COL6A6: variants seen among roughly 807,000 people sequenced by gnomAD.
COL6A6 encodes the protein collagen type VI alpha 6 chain, also known as collagen alpha-6(VI) chain.
COL6A6 carries 183 observed loss-of-function variants against 208.6 expected under a neutral mutation model. The observed-to-expected ratio is 0.88, with a 90% CI of 0.78 to 0.99. The LOEUF (loss-of-function observed/expected upper bound fraction) is 0.99. Ranked by LOEUF, COL6A6 falls within the 50% of genes least tolerant of loss-of-function variation. COL6A6 has a pLI of 0.00. For missense variants in COL6A6, 2,816 were observed against 2,815.2 expected (o/e 1.00, Z -0.01); for synonymous variants, 973 against 1,011.8 (o/e 0.96, Z 0.73).
chr3:130,618,122 C>G (rs972896507), intron 23 of COL6A6, among the ~76,000 whole-genome samples: 16 of 152,056 alleles, frequency 1.1e-4, no homozygotes, highest in Non-Finnish European at 8.8e-5. Context: ...TTTAGAACTC[C>G]AATCTGGGCT....
At chr3:130,564,376 G>A (rs545101737) in intron 3 of COL6A6, among the ~76,000 whole-genome samples, 1 of 152,210 alleles carries the variant, frequency 6.6e-6, no homozygotes, top group South Asian at 2.1e-4. Context: ...CAAGTGAAGG[G>A]CAGGGGATAG....
At chr3:130,560,275 G>A (rs2062853569) in intron 1 of COL6A6, 59 bp from the exon 2 acceptor site, 2 of 1,069,636 alleles carry the variant, frequency 1.9e-6, no homozygotes, top group Middle Eastern at 2.0e-4. Context: ...GCTCTTGTAT[G>A]TGAGTCTTAA....
At position 130,566,820 on chromosome 3, in the gene COL6A6, C is replaced by T. The variant is rs371128941; in HGVS notation, c.1401C>T (p.Asn467=). 4.3e-6 allele frequency: 7 copies of T among 1,613,880 alleles called. No individual in the cohort carries two copies. The African/African-American group carries it at 9.3e-5, about 22-fold the overall frequency. The change falls in exon 5 of 37, where the codon AAC becomes AAT. Residue 467 remains asparagine, a synonymous_variant. Transcript: ENST00000358511. The stretch of plus-strand genomic sequence containing the variant: ...TGTCAGAGGTGGTAGGGATGTTCAA[C>T]ATTGCTCCCCATAAGGTGCGGGTTG... ...TFLSEVVGMF[N]IAPHKVRVGA... is the part of the protein sequence containing the mutation.
chr3:130,518,888 T>C (rs1393347001), intron 1 of COL6A6, among the ~76,000 whole-genome samples: 2 of 152,230 alleles, frequency 1.3e-5, no homozygotes, highest in Non-Finnish European at 2.9e-5. Context: ...TTGGATGTTG[T>C]GCCATGTGAA....
At chr3:130,659,893 T>A (rs2065895622) in intron 34 of COL6A6, among the ~76,000 whole-genome samples, 1 of 152,212 alleles carries the variant, frequency 6.6e-6, no homozygotes. Flanking sequence ...CTTCTTTCTG[T>A]CTTCCCTCTG....
chr3:130,624,182 A>G (rs2064818970), intron 24 of COL6A6, among the ~76,000 whole-genome samples: 2 of 152,102 alleles, frequency 1.3e-5, no homozygotes, highest in South Asian at 4.1e-4. Context: ...TTGATGTGGG[A>G]TATTGGTTTG....
rs1321168907 is a variant in COL6A6, at chr3:130,589,049, C to A, written c.4126-41C>A. The A allele has an allele frequency of 2.7e-6, 4 of 1,477,034 alleles. No homozygotes were observed. The African/African-American group carries it at 5.6e-5, about 21-fold the overall frequency. 91.5% of individuals were successfully genotyped at this position (1,477,034 alleles called of 1,614,324 possible). On this transcript the variant is annotated intron_variant, in intron 11 of 36. Transcript: ENST00000358511. ...GAACTTGTATATGAGATTTGGGAAG[C>A]AATACCACCAAATGTAATGTATTTC...
At chr3:130,577,238 G>T (rs538690893) in intron 8 of COL6A6, among the ~76,000 whole-genome samples, 1 of 152,176 alleles carries the variant, frequency 6.6e-6, no homozygotes, top group Non-Finnish European at 1.5e-5. Context: ...AGGGAATATT[G>T]GTAGCCTGGT....
rs972845592 is a variant in COL6A6, at chr3:130,571,128, C to G, written c.2712C>G (p.Gly904=). Residue 904 remains glycine, a synonymous_variant, in exon 7 of 37, where the codon GGC becomes GGG. Transcript: ENST00000358511. ...FSDHMFTEAR[G]SRLNKGVPQV... ...ACCACATGTTCACTGAAGCCCGGGGCAGCCGCCTGAACAAGGGGGTCCCCC... is the reference window on the plus strand; with the variant it reads ...ACCACATGTTCACTGAAGCCCGGGGGAGCCGCCTGAACAAGGGGGTCCCCC... 2.5e-6 allele frequency: 4 copies of G among 1,613,816 alleles called. No individual in the cohort carries two copies. Among genetic ancestry groups the G allele is most frequent in the Non-Finnish European group, 2.5e-6 (3 of 1,179,748 alleles).
chr3:130,552,461 C>T (rs1055872277), intron 1 of COL6A6, among the ~76,000 whole-genome samples: 1 of 152,090 alleles, frequency 6.6e-6, no homozygotes, highest in Non-Finnish European at 1.5e-5. Flanking sequence ...GCAAGACCTC[C>T]TTTTTTTCTC....
chr3:130,613,257 T>G (rs1451376045), intron 23 of COL6A6, among the ~76,000 whole-genome samples: 12 of 152,202 alleles, frequency 7.9e-5, no homozygotes, highest in African/African-American at 2.9e-4. Context: ...CCAGTACCAT[T>G]TATTGAATAG....
At chr3:130,540,212 A>C (rs1411482781) in intron 1 of COL6A6, among the ~76,000 whole-genome samples, 2 of 152,182 alleles carry the variant, frequency 1.3e-5, no homozygotes, top group Admixed American at 1.3e-4. Context: ...TTTTAGCATC[A>C]CAGCAAAACG....
At chr3:130,625,319 T>G (rs2064853221) in intron 24 of COL6A6, among the ~76,000 whole-genome samples, 1 of 152,194 alleles carries the variant, frequency 6.6e-6, no homozygotes, top group South Asian at 2.1e-4. Context: ...GATGTGATGA[T>G]TCCCCACCTT....
chr3:130,543,780 T>G (rs1041367823), intron 1 of COL6A6, among the ~76,000 whole-genome samples: 1 of 152,158 alleles, frequency 6.6e-6, no homozygotes, highest in Non-Finnish European at 1.5e-5. Context: ...GAAAAATGGT[T>G]GTATTTTATT....
At chr3:130,580,244 A>G (rs1343464230) in intron 8 of COL6A6, among the ~76,000 whole-genome samples, 1 of 152,208 alleles carries the variant, frequency 6.6e-6, no homozygotes, top group Non-Finnish European at 1.5e-5. Flanking sequence ...GAATTTTGGA[A>G]AGGATATATT....
rs138732186 is a variant in COL6A6 at position 130,586,514 on chromosome 3, G to A, written c.3979G>A (p.Ala1327Thr). 129 of 1,612,272 alleles carry A rather than the reference G, an allele frequency of 8.0e-5. 1 individual carries two copies. The East Asian group carries it at 2.7e-3, about 33-fold the overall frequency. The change falls in exon 11 of 37, where the codon GCC becomes ACC. Residue 1327 changes from alanine (A) to threonine (T), a missense_variant. Physicochemically the swap from Ala to Thr is moderately conservative, Grantham distance 58. Transcript: ENST00000358511. ...TAAACTGTGTTGGATAGGCCTGAATGCCCTCATAACTGTTGCTCTGGATGG... is the reference window on the plus strand; with the variant it reads ...TAAACTGTGTTGGATAGGCCTGAATACCCTCATAACTGTTGCTCTGGATGG... ...SDELRKEGLN[A>T]LITVALDGPA...
Position 130,566,756 on chromosome 3 carries a change from G to A in COL6A6, c.1337G>A (p.Ser446Asn), listed in dbSNP as rs2063033946. The A allele has an allele frequency of 6.2e-7, 1 of 1,613,960 alleles. No homozygotes were observed. Among genetic ancestry groups the A allele is most frequent in the Non-Finnish European group, 8.5e-7 (1 of 1,179,872 alleles). ...TATCTGCTTATCGATGGCTCAGGGA[G>A]CACCCAGGCCACAGATTTCCATGAA... ...DIYLLIDGSGSTQATDFHEMK... is the reference protein window; with the variant it reads ...DIYLLIDGSGNTQATDFHEMK... The change falls in exon 5 of 37, where the codon AGC becomes AAC. Residue 446 changes from serine (S) to asparagine (N), a missense_variant. Coordinates refer to ENST00000358511, the MANE Select transcript of COL6A6 (RefSeq NM_001102608.3).
chr3:130,649,254 G>C lies in COL6A6; in HGVS notation c.5425G>C (p.Ala1809Pro). The C allele has an allele frequency of 6.3e-7, 1 of 1,597,352 alleles. No homozygotes were observed. Among genetic ancestry groups the C allele is most frequent in the South Asian group, 1.1e-5 (1 of 87,912 alleles). ...HIAILSYNSHARHLVRFSDAY... is the reference protein window; with the variant it reads ...HIAILSYNSHPRHLVRFSDAY... Reference sequence around the variant, plus strand: ...CGCCATCCTCTCCTATAACTCCCACGCCAGGCACCTTGTGCGCTTCTCAGA... The same window carrying C: ...CGCCATCCTCTCCTATAACTCCCACCCCAGGCACCTTGTGCGCTTCTCAGA... The change falls in exon 33 of 37, where the codon GCC becomes CCC. Residue 1809 changes from alanine to proline, a missense_variant. By Grantham distance (27) the Ala-to-Pro change is conservative (BLOSUM62 -1). Transcript: ENST00000358511.
intron 1 of COL6A6, among the ~76,000 whole-genome samples, chr3:130,552,084 G>A (rs972603020): frequency 6.6e-6 from 1 of 152,134 alleles, no homozygotes; most frequent in Non-Finnish European, 1.5e-5. Context: ...TAGAGTATGT[G>A]CCATGTGGTG....
Sources: allele counts gnomAD v4.1 joint callset (sites outside exome capture counted in the v4.1 genomes callset), GRCh38; gene constraint gnomAD v4.1.1; transcripts MANE v1.5; gene names NCBI Gene and HGNC (gene_info 2026-07-23, HGNC 2026-07-21).